ADAM2: variants seen among roughly 807,000 people sequenced by gnomAD.
ADAM2 encodes the protein disintegrin and metalloproteinase domain-containing protein 2.
In ADAM2, 101 loss-of-function variants were observed where a neutral mutation model predicts 99.3. That is an observed-to-expected ratio of 1.02 (90% CI 0.87 to 1.20). The LOEUF (loss-of-function observed/expected upper bound fraction) is 1.20. Among genes scored for constraint, ADAM2 ranks in the 50% most tolerant of loss-of-function variants. ADAM2 has a pLI of 0.00. For synonymous variants in ADAM2, 323 were observed against 287.6 expected (o/e 1.12, Z -1.25); for missense variants, 948 against 878.7 (o/e 1.08, Z -1.00).
chr8:39,828,998 T>C (rs1321954198), intron 3 of ADAM2, among the ~76,000 whole-genome samples: 1 of 151,768 alleles, frequency 6.6e-6, no homozygotes, highest in Non-Finnish European at 1.5e-5. Context: ...GTATAATATA[T>C]AACCATCATC....
intron 7 of ADAM2, among the ~76,000 whole-genome samples, chr8:39,793,613 T>C (rs2129585804): frequency 6.6e-6 from 1 of 152,198 alleles, no homozygotes; most frequent in Non-Finnish European, 1.5e-5. Flanking sequence ...TGATAAGAAC[T>C]CAAAGTCTTT....
intron 11 of ADAM2, among the ~76,000 whole-genome samples, chr8:39,776,164 T>G (rs986434286): frequency 1.3e-5 from 2 of 152,124 alleles, no homozygotes; most frequent in Non-Finnish European, 2.9e-5. Flanking sequence ...AGAGGTGCCC[T>G]TGTTGCTATC....
chr8:39,754,779 G>C (rs984469824), intron 16 of ADAM2, among the ~76,000 whole-genome samples: 1 of 152,040 alleles, frequency 6.6e-6, no homozygotes, highest in Non-Finnish European at 1.5e-5. Flanking sequence ...AGACTAATTT[G>C]AGCTTGCACC....
intron 6 of ADAM2, among the ~76,000 whole-genome samples, chr8:39,820,800 T>C (rs1805143687): frequency 1.3e-5 from 2 of 152,160 alleles, no homozygotes; most frequent in African/African-American, 4.8e-5. Flanking sequence ...GAAAATGTCA[T>C]GATTGGAGTT....
At chr8:39,830,333 C>T (rs1805565237) in intron 3 of ADAM2, among the ~76,000 whole-genome samples, 1 of 152,050 alleles carries the variant, frequency 6.6e-6, no homozygotes. Flanking sequence ...TAGGTCAAAT[C>T]CAGCTGATAG....
chr8:39,767,098 T>G, intron 13 of ADAM2, 55 bp from the exon 14 acceptor site: 7 of 1,598,654 alleles, frequency 4.4e-6, no homozygotes, highest in Non-Finnish European at 6.0e-6. Context: ...TACATAAGCA[T>G]AATAATGATA....
chr8:39,764,377 TAC>T (rs1328250575), intron 14 of ADAM2, among the ~76,000 whole-genome samples: 1 of 152,196 alleles, frequency 6.6e-6, no homozygotes, highest in Non-Finnish European at 1.5e-5. Flanking sequence ...ATCACTGTAC[TAC>T]AGTTTGGGCA....
chr8:39,753,293 C>T (rs1459879906), intron 16 of ADAM2, among the ~76,000 whole-genome samples: 2 of 152,068 alleles, frequency 1.3e-5, no homozygotes, highest in African/African-American at 4.8e-5. Context: ...TTGCCCCTGC[C>T]CTAGAAATCT....
chr8:39,814,693 G>A (rs1804866572), intron 6 of ADAM2, among the ~76,000 whole-genome samples: 1 of 152,090 alleles, frequency 6.6e-6, no homozygotes, highest in Non-Finnish European at 1.5e-5. Context: ...GATATGGGGT[G>A]TGTGGGTGCG....
chr8:39,768,911 C>A (rs1802666960), intron 12 of ADAM2, among the ~76,000 whole-genome samples: 1 of 151,954 alleles, frequency 6.6e-6, no homozygotes, highest in African/African-American at 2.4e-5. Context: ...CTACAGTTAA[C>A]AATATTGTAT....
chr8:39,772,858 T>C (rs190383489), intron 11 of ADAM2, among the ~76,000 whole-genome samples: 1 of 151,890 alleles, frequency 6.6e-6, no homozygotes, highest in African/African-American at 2.4e-5. Flanking sequence ...AAAAGTACGA[T>C]TCGCTAGGAA....
intron 20 of ADAM2, 78 bp downstream of exon 20, chr8:39,744,752 G>A: frequency 1.0e-6 from 1 of 954,620 alleles, no homozygotes; most frequent in Non-Finnish European, 1.6e-6. Context: ...GTATACCTAT[G>A]TAACAAACCT....
Position 39,767,896 on chromosome 8 carries a change from T to TCACACACACACACACA in ADAM2, c.1213-661_1213-646dup, listed in dbSNP as rs57655234. Among the ~76,000 whole-genome samples, 167 of 147,890 alleles carry TCACACACACACACACA rather than the reference T, an allele frequency of 1.1e-3. 1 individual carries two copies. The highest frequency in any genetic ancestry group is 3.9e-3 in the Admixed American group (58 of 14,780). On this transcript the variant is annotated intron_variant, in intron 12 of 20. Transcript: ENST00000265708. ...ATAAGAAGGCTAAAAGACAATGCAT[T>TCACACACACACACACA]CACACACACACACACACACACACAC...
At chr8:39,753,309 A>G (rs538216737) in intron 16 of ADAM2, among the ~76,000 whole-genome samples, 1 of 152,276 alleles carries the variant, frequency 6.6e-6, no homozygotes, top group African/African-American at 2.4e-5. Flanking sequence ...AATCTGTGGA[A>G]CTCTGAACTT....
chr8:39,818,268 T>C (rs1338676041), intron 6 of ADAM2, among the ~76,000 whole-genome samples: 1 of 151,978 alleles, frequency 6.6e-6, no homozygotes. Flanking sequence ...AGTTTAATAA[T>C]CAAAAGTCAA....
chr8:39,833,110 A>G (rs775893429), intron 3 of ADAM2, among the ~76,000 whole-genome samples: 1 of 152,150 alleles, frequency 6.6e-6, no homozygotes, highest in African/African-American at 2.4e-5. Context: ...TTGACATTCT[A>G]AAGTAACAAC....
In ADAM2 at chr8:39,750,012, G is replaced by T. The variant is rs552675149; in HGVS notation, c.1798-268C>A. Among the ~76,000 whole-genome samples the T allele has an allele frequency of 5.9e-5, 9 of 152,016 alleles. No individual in the cohort carries two copies. In the East Asian group the frequency reaches 1.7e-3, roughly 29 times the overall value. On this transcript the variant is annotated intron_variant, in intron 16 of 20. Transcript: ENST00000265708. Reference sequence around the variant, plus strand: ...GGGATAGCAGGGACAAATATGAAATGAGTAAAACACAAATAAGTACGTAAT... The same window carrying T: ...GGGATAGCAGGGACAAATATGAAATTAGTAAAACACAAATAAGTACGTAAT...
Position 39,788,065 on chromosome 8 carries a change from T to C in ADAM2, c.809+20A>G. 1 of 1,417,626 alleles carries C rather than the reference T, an allele frequency of 7.1e-7. No individual in the cohort carries two copies. The highest frequency in any genetic ancestry group is 9.3e-7 in the Non-Finnish European group (1 of 1,076,482). 87.8% of individuals were successfully genotyped at this position (1,417,626 alleles called of 1,614,324 possible). ...AAATTTTCTTCAGATAAACTTTATA[T>C]AATGTCAAGATATCCTTACACAAGT... On this transcript the variant is annotated intron_variant, in intron 9 of 20. Coordinates refer to ENST00000265708, the MANE Select transcript of ADAM2 (RefSeq NM_001464.5).
chr8:39,749,487 A>C (rs1451756603), intron 17 of ADAM2, 37 bp from the exon 18 acceptor site: 2 of 1,586,566 alleles, frequency 1.3e-6, no homozygotes, highest in Non-Finnish European at 1.7e-6. Flanking sequence ...TAAGATAAGC[A>C]ACTAGATTTA....
Sources: gnomAD v4.1 joint callset for allele counts (sites outside exome capture counted in the v4.1 genomes callset) on GRCh38, gnomAD v4.1.1 for gene constraint, MANE v1.5 for transcripts, NCBI Gene and HGNC (gene_info 2026-07-23, HGNC 2026-07-21) for gene names.